Variants in OSBPL3 observed in about 807,000 individuals in gnomAD.
OSBPL3 encodes the protein oxysterol binding protein like 3, also known as oxysterol-binding protein-related protein 3.
OSBPL3 carries 65 observed loss-of-function variants against 120.1 expected under a neutral mutation model. The ratio of observed to expected loss-of-function variants is 0.54; its 90% CI spans 0.44 to 0.67. The LOEUF (loss-of-function observed/expected upper bound fraction) is 0.67. Ranked by LOEUF, OSBPL3 falls within the 30% of genes least tolerant of loss-of-function variation. OSBPL3 has a pLI of 0.00. For missense variants in OSBPL3, 1,004 were observed against 1,082.1 expected (o/e 0.93, Z 1.01); for synonymous variants, 416 against 402.6 (o/e 1.03, Z -0.40).
intron 1 of OSBPL3, among the ~76,000 whole-genome samples, chr7:24,934,613 T>A (rs1211299760): frequency 1.3e-5 from 2 of 152,154 alleles, no homozygotes; most frequent in African/African-American, 4.8e-5. Flanking sequence ...ATGAACCATA[T>A]CAAGGAAACT....
chr7:24,902,532 A>G (rs923098555), intron 1 of OSBPL3, among the ~76,000 whole-genome samples: 5 of 152,066 alleles, frequency 3.3e-5, no homozygotes, highest in Non-Finnish European at 2.9e-5. Context: ...GCTCCCCATG[A>G]GGCTGTGATG....
rs1792456279 is a variant in OSBPL3 at position 24,802,280 on chromosome 7, G to A, written c.2568-2001C>T. 6.6e-6 allele frequency among the ~76,000 whole-genome samples: 1 copy of A among 152,202 alleles called. No homozygotes were observed. Among genetic ancestry groups the A allele is most frequent in the African/African-American group, 2.4e-5 (1 of 41,446 alleles). ...ATTTTGTTGCTGTTCCTCAGTAAGT[G>A]TTAATGACAACATCCAAGTCCCCAT... On this transcript the variant is annotated intron_variant, in intron 22 of 22. Coordinates refer to ENST00000313367, the MANE Select transcript of OSBPL3 (RefSeq NM_015550.4). This position sits in a 1 kb window ranked among gnomAD's most constrained non-coding sequence, Gnocchi z 4.1.
intron 2 of OSBPL3, among the ~76,000 whole-genome samples, chr7:24,874,713 C>A (rs1055303631): frequency 1.3e-5 from 2 of 152,026 alleles, no homozygotes; most frequent in Non-Finnish European, 2.9e-5. Flanking sequence ...TTCATTTTAT[C>A]TTCCACCTGG....
In OSBPL3 at chr7:24,898,736, C is replaced by A. The variant is rs957785201; in HGVS notation, c.-149-6115G>T. Among the ~76,000 whole-genome samples, 1 of 152,118 alleles carries A rather than the reference C, an allele frequency of 6.6e-6. No individual in the cohort carries two copies. Among genetic ancestry groups the A allele is most frequent in the African/African-American group, 2.4e-5 (1 of 41,436 alleles). ...ATTTGTCATCACTGAGTAAACAAAA[C>A]AACAAGCGCAATAACACCAGTCATT... On this transcript the variant is annotated intron_variant, in intron 1 of 22. Transcript: ENST00000313367. The surrounding 1 kb of genome is among the most constrained non-coding windows in gnomAD (Gnocchi z 4.3).
intron 1 of OSBPL3, among the ~76,000 whole-genome samples, chr7:24,956,780 T>A (rs1431024284): frequency 6.6e-6 from 1 of 152,266 alleles, no homozygotes; most frequent in African/African-American, 2.4e-5. Context: ...TGTTTCTTTA[T>A]AAGAAAATTC....
intron 1 of OSBPL3, among the ~76,000 whole-genome samples, chr7:24,969,770 G>A (rs547019264): frequency 6.6e-6 from 1 of 151,956 alleles, no homozygotes; most frequent in South Asian, 2.1e-4. Context: ...TCCTCTCACT[G>A]TGACCATCCC....
chr7:24,826,801 T>C (rs765393385), intron 16 of OSBPL3, among the ~76,000 whole-genome samples: 5 of 152,214 alleles, frequency 3.3e-5, no homozygotes, highest in Non-Finnish European at 7.3e-5. Context: ...CATTTTGATG[T>C]TGTGGTTTTG....
rs559043353 is a variant in OSBPL3 at position 24,912,504 on chromosome 7, T to C, written c.-149-19883A>G. Among the ~76,000 whole-genome samples, 6 of 152,254 alleles carry C rather than the reference T, an allele frequency of 3.9e-5. No homozygotes were observed. Among genetic ancestry groups the C allele is most frequent in the African/African-American group, 1.4e-4 (6 of 41,536 alleles). ...ATAAACCATTCTGTGCTTACCGTTT[T>C]TCATCAAAGAACTCTGAGTACTATG... On this transcript the variant is annotated intron_variant, in intron 1 of 22. Coordinates refer to ENST00000313367, the MANE Select transcript of OSBPL3 (RefSeq NM_015550.4). The surrounding 1 kb of genome is among the most constrained non-coding windows in gnomAD (Gnocchi z 4.5).
rs1267237577 is a variant in OSBPL3 at position 24,854,979 on chromosome 7, T to C, written c.1028-2345A>G. Among the ~76,000 whole-genome samples the C allele has an allele frequency of 3.3e-5, 5 of 152,196 alleles. No individual in the cohort carries two copies. On this transcript the variant is annotated intron_variant, in intron 10 of 22. Coordinates refer to ENST00000313367, the MANE Select transcript of OSBPL3 (RefSeq NM_015550.4). The surrounding 1 kb of genome is among the most constrained non-coding windows in gnomAD (Gnocchi z 4.1). ...TGAAAGTGATGGTGACTGCAGTCTC[T>C]TGAAATGTTGGCAGCAGCTCTAGAT... is the stretch of plus-strand genomic sequence containing the variant.
At chr7:24,980,913 A>G (rs1424849664), upstream of OSBPL3, among the ~76,000 whole-genome samples, 1 of 152,064 alleles carries the variant, frequency 6.6e-6, no homozygotes, top group African/African-American at 2.4e-5. Flanking sequence ...CCACTAGCCC[A>G]ATGGCCTTCT....
Position 24,967,877 on chromosome 7 carries a change from T to C in OSBPL3, c.-150+12009A>G, listed in dbSNP as rs375991178. ...GACATGTCTGTGCTGATACCACCCA[T>C]ACACTTCAAGCTCAGCATATTCAAA... On this transcript the variant is annotated intron_variant, in intron 1 of 22. Transcript: ENST00000313367. This position sits in a 1 kb window ranked among gnomAD's most constrained non-coding sequence, Gnocchi z 5.6. Among the ~76,000 whole-genome samples, 45 of 152,310 alleles carry C rather than the reference T, an allele frequency of 3.0e-4. 4 individuals carry two copies. The highest frequency in any genetic ancestry group is 1.7e-3 in the South Asian group (8 of 4,832).
Position 24,966,549 on chromosome 7 carries a change from G to A in OSBPL3, c.-150+13337C>T, listed in dbSNP as rs1037442029. ...AGTCAGAAGTATGATGCATTGGCAG[G>A]TGTGCATGAAGAAGGCCAGGCAGTC... On this transcript the variant is annotated intron_variant, in intron 1 of 22. Coordinates refer to ENST00000313367, the MANE Select transcript of OSBPL3 (RefSeq NM_015550.4). The surrounding 1 kb of genome is among the most constrained non-coding windows in gnomAD (Gnocchi z 4.8). Among the ~76,000 whole-genome samples, 1 of 152,198 alleles carries A rather than the reference G, an allele frequency of 6.6e-6. No individual in the cohort carries two copies. Among genetic ancestry groups the A allele is most frequent in the Non-Finnish European group, 1.5e-5 (1 of 68,036 alleles).
rs1244766432 is a variant in OSBPL3, at chr7:24,892,640, AAAG to A, written c.-149-22_-149-20del. 4.5e-5 allele frequency: 60 copies of A among 1,346,608 alleles called. No homozygotes were observed. The highest frequency in any genetic ancestry group is 5.4e-5 in the Non-Finnish European group (56 of 1,044,714). 83.4% of individuals were successfully genotyped at this position (1,346,608 alleles called of 1,614,324 possible). ...CTAAAACCTAAAAAAGAGAAATTAG[AAAG>A]AAGGTCAGAGGCATCAGATATCATC... On this transcript the variant is annotated intron_variant, in intron 1 of 22. Transcript: ENST00000313367.
intron 1 of OSBPL3, among the ~76,000 whole-genome samples, chr7:24,944,200 CA>C (rs1272969987): frequency 6.6e-6 from 1 of 151,780 alleles, no homozygotes; most frequent in Non-Finnish European, 1.5e-5. Flanking sequence ...TGTCTGGTTA[CA>C]ATAGTGGCTG....
At chr7:24,812,565 T>C (rs932385604) in intron 19 of OSBPL3, among the ~76,000 whole-genome samples, 3 of 152,148 alleles carry the variant, frequency 2.0e-5, no homozygotes, top group African/African-American at 7.2e-5. Context: ...TTTTGTTTGT[T>C]TTTTGTTTTT....
intron 12 of OSBPL3, among the ~76,000 whole-genome samples, chr7:24,845,384 TAAAA>T (rs34559902): frequency 0.16 from 10,154 of 62,852 alleles, 546 homozygotes; most frequent in Non-Finnish European, 0.2. Flanking sequence ...GCAAAATAAG[TAAAA>T]AAAAAAAAAA....
chr7:24,941,597 G>A (rs1813117645), intron 1 of OSBPL3, among the ~76,000 whole-genome samples: 2 of 152,090 alleles, frequency 1.3e-5, no homozygotes, highest in Non-Finnish European at 2.9e-5. Context: ...CAGAGCACTG[G>A]CTTTCAAGCT....
chr7:24,962,304 A>G (rs1815842006), intron 1 of OSBPL3, among the ~76,000 whole-genome samples: 2 of 151,198 alleles, frequency 1.3e-5, no homozygotes, highest in African/African-American at 4.9e-5. Flanking sequence ...ACTCTATCAG[A>G]AATAAAGAAA....
rs532209240 is a variant in OSBPL3 at position 24,817,217 on chromosome 7, T to C, written c.1949-529A>G. 1.3e-5 allele frequency among the ~76,000 whole-genome samples: 2 copies of C among 151,818 alleles called. No homozygotes were observed. The highest frequency in any genetic ancestry group is 6.6e-5 in the Admixed American group (1 of 15,240). Reference sequence around the variant, plus strand: ...TCAGATTGTCTTATCTAGAGAAGAGTAGAAAGGTTGAGAACAAAACCAGGT... The same window carrying C: ...TCAGATTGTCTTATCTAGAGAAGAGCAGAAAGGTTGAGAACAAAACCAGGT... On this transcript the variant is annotated intron_variant, in intron 17 of 22. Transcript: ENST00000313367. This position sits in a 1 kb window ranked among gnomAD's most constrained non-coding sequence, Gnocchi z 4.0.
Sources: gnomAD v4.1 joint callset for allele counts (sites outside exome capture counted in the v4.1 genomes callset) on GRCh38, gnomAD v4.1.1 for gene constraint, Gnocchi (gnomAD v3.1) non-coding constraint, MANE v1.5 for transcripts, NCBI Gene and HGNC (gene_info 2026-07-23, HGNC 2026-07-21) for gene names.